NID2: variants seen among roughly 807,000 people sequenced by gnomAD.
NID2 encodes nidogen 2, also known as nidogen-2.
NID2 carries 83 observed loss-of-function variants against 145.4 expected under a neutral mutation model. The observed-to-expected ratio is 0.57, with a 90% CI of 0.48 to 0.69. NID2 has a LOEUF of 0.69. Ranked by LOEUF, NID2 falls within the 30% of genes least tolerant of loss-of-function variation. NID2 has a pLI of 0.00. For missense variants in NID2, 1,807 were observed against 1,765.7 expected (o/e 1.02, Z -0.42); for synonymous variants, 739 against 701.3 (o/e 1.05, Z -0.85).
At chr14:52,061,492 C>G (rs1222086833) in intron 2 of NID2, among the ~76,000 whole-genome samples, 1 of 152,132 alleles carries the variant, frequency 6.6e-6, no homozygotes, top group Non-Finnish European at 1.5e-5. Flanking sequence ...CGGTGTAGGA[C>G]TGGGAAACAG....
At chr14:52,053,518 G>T (rs1002939188) in intron 5 of NID2, 61 bp downstream of exon 5, 1 of 1,529,058 alleles carries the variant, frequency 6.5e-7, no homozygotes, top group Non-Finnish European at 8.8e-7. Context: ...AAATCACAAC[G>T]CTATGCAAAA....
intron 5 of NID2, among the ~76,000 whole-genome samples, chr14:52,047,781 C>T (rs768506564): frequency 3.3e-5 from 5 of 152,122 alleles, no homozygotes; most frequent in Non-Finnish European, 7.4e-5. Flanking sequence ...GTTCTGACAA[C>T]AGCATGAGGC....
At chr14:52,027,667 C>CACACACACAT (rs1555363350) in intron 11 of NID2, among the ~76,000 whole-genome samples, 1 of 149,838 alleles carries the variant, frequency 6.7e-6, no homozygotes, top group South Asian at 2.1e-4. Context: ...CACACACACA[C>CACACACACAT]GCAGTTTCTC....
At chr14:52,060,512 C>A (rs566059232) in intron 2 of NID2, among the ~76,000 whole-genome samples, 156 bp from the exon 3 acceptor site, 41 of 152,254 alleles carry the variant, frequency 2.7e-4, no homozygotes, top group African/African-American at 8.4e-4. Context: ...TTAAACATAA[C>A]CTTCTTTAAA....
At position 52,068,989 on chromosome 14, in the gene NID2, C is replaced by G. The variant is rs754487682; in HGVS notation, c.6G>C (p.Glu2Asp). M[E>D]GDRVAGRPVL... ...CCGGCCGCCCGGCCACCCGGTCCCCCTCCATGCTCGCTCGGCCGTGCGCTT... is the reference window on the plus strand; with the variant it reads ...CCGGCCGCCCGGCCACCCGGTCCCCGTCCATGCTCGCTCGGCCGTGCGCTT... The change falls in exon 1 of 22, where the codon GAG becomes GAC. Residue 2 changes from glutamate (E) to aspartate (D), a missense_variant. By Grantham distance (45) the Glu-to-Asp change is conservative (BLOSUM62 2). Transcript: ENST00000216286. The G allele has an allele frequency of 1.2e-6, 2 of 1,609,738 alleles. No individual in the cohort carries two copies. Among genetic ancestry groups the G allele is most frequent in the Non-Finnish European group, 1.7e-6 (2 of 1,178,292 alleles).
chr14:52,050,839 C>T (rs1217827584), intron 5 of NID2, among the ~76,000 whole-genome samples: 1 of 152,186 alleles, frequency 6.6e-6, no homozygotes, highest in East Asian at 1.9e-4. Context: ...GAACTCCCCA[C>T]AGGGCAATTC....
At position 52,038,746 on chromosome 14, in the gene NID2, C is replaced by T; in HGVS notation, c.2257+1G>A. Reference sequence around the variant, plus strand: ...CCCAACAACAAAAAAGGAAACCTTACCTTTGACCGGGCCAATTTGATTGGT... The same window carrying T: ...CCCAACAACAAAAAAGGAAACCTTATCTTTGACCGGGCCAATTTGATTGGT... On this transcript the variant is annotated splice_donor_variant, in intron 9 of 21. Transcript: ENST00000216286. LOFTEE classifies it high-confidence loss of function. 6.4e-7 allele frequency: 1 copy of T among 1,560,144 alleles called. No individual in the cohort carries two copies. Among genetic ancestry groups the T allele is most frequent in the Admixed American group, 2.0e-5 (1 of 50,752 alleles).
chr14:52,020,186 G>A lies in NID2; in HGVS notation c.2675-8C>T. ...CTGAGCATTCATCTACATCTGCAGA[G>A]GTCAGAAACAGAAGAAAGAAGCAAA... On this transcript the variant is annotated splice_polypyrimidine_tract_variant and splice_region_variant and intron_variant, in intron 12 of 21. Transcript: ENST00000216286. 1 of 1,613,242 alleles carries A rather than the reference G, an allele frequency of 6.2e-7. No homozygotes were observed. The highest frequency in any genetic ancestry group is 1.1e-5 in the South Asian group (1 of 91,044).
chr14:52,037,700 T>G (rs1456060616), intron 9 of NID2, among the ~76,000 whole-genome samples: 4 of 152,230 alleles, frequency 2.6e-5, no homozygotes, highest in Non-Finnish European at 1.5e-5. Flanking sequence ...GCTGAGATTC[T>G]GATAGGGATT....
At position 52,019,388 on chromosome 14, in the gene NID2, G is replaced by A. The variant is rs566678238; in HGVS notation, c.2795-94C>T. ...AGCCCACAGCGTGGCATGGAAAAGC[G>A]CTGGGATTTTGGAGCCCGAGATTCT... On this transcript the variant is annotated intron_variant, in intron 13 of 21. Transcript: ENST00000216286. The A allele has an allele frequency of 1.1e-4, 115 of 1,020,586 alleles. No individual in the cohort carries two copies. In the East Asian group the frequency reaches 2.7e-3, roughly 24 times the overall value. The allele number at this position is 1,020,586 out of a possible 1,614,324, so 63.2% of individuals were successfully genotyped here.
At chr14:52,018,406 C>A (rs1219572420) in intron 14 of NID2, among the ~76,000 whole-genome samples, 1 of 152,196 alleles carries the variant, frequency 6.6e-6, no homozygotes, top group East Asian at 1.9e-4. Context: ...CTGTTGGAAT[C>A]GACTGTGAGC....
chr14:52,030,946 A>C lies in NID2; in HGVS notation c.2258-1256T>G, dbSNP rs188795083. On this transcript the variant is annotated intron_variant, in intron 9 of 21. Coordinates refer to ENST00000216286, the MANE Select transcript of NID2 (RefSeq NM_007361.4). ...AACAGATAGGAGGATGCCTGATTACATCCTTCTAACTACATGGTGAGGAAA... is the reference window on the plus strand; with the variant it reads ...AACAGATAGGAGGATGCCTGATTACCTCCTTCTAACTACATGGTGAGGAAA... 5.9e-5 allele frequency among the ~76,000 whole-genome samples: 9 copies of C among 152,386 alleles called. No homozygotes were observed. The East Asian group carries it at 1.7e-3, about 29-fold the overall frequency.
chr14:52,016,319 G>C (rs1446880365), intron 14 of NID2, among the ~76,000 whole-genome samples: 1 of 152,184 alleles, frequency 6.6e-6, no homozygotes, highest in African/African-American at 2.4e-5. Flanking sequence ...TAAAGCACAT[G>C]GTCTGCAGAA....
At chr14:52,029,885 G>T (rs959750470) in intron 9 of NID2, among the ~76,000 whole-genome samples, 195 bp from the exon 10 acceptor site, 3 of 152,156 alleles carry the variant, frequency 2.0e-5, no homozygotes, top group South Asian at 2.1e-4. Flanking sequence ...GCTTCCTATT[G>T]CCTACCCTAT....
chr14:52,046,809 T>C lies in NID2; in HGVS notation c.1430-3878A>G, dbSNP rs1892512592. Among the ~76,000 whole-genome samples, 3 of 152,228 alleles carry C rather than the reference T, an allele frequency of 2.0e-5. No homozygotes were observed. In the East Asian group the frequency reaches 5.8e-4, roughly 29 times the overall value. ...TAAACAGTTTTGTGGAATATTGTAT[T>C]TTTAGGATGGTACTTACTGAGCCAA... On this transcript the variant is annotated intron_variant, in intron 5 of 21. Coordinates refer to ENST00000216286, the MANE Select transcript of NID2 (RefSeq NM_007361.4).
At chr14:52,039,062 T>C in intron 8 of NID2, 85 bp from the exon 9 acceptor site, 1 of 939,000 alleles carries the variant, frequency 1.1e-6, no homozygotes, top group South Asian at 1.8e-5. Context: ...GTTTTTTTCA[T>C]CTAATTCTTG....
intron 11 of NID2, among the ~76,000 whole-genome samples, chr14:52,028,370 G>A (rs780454478): frequency 4.0e-5 from 6 of 151,732 alleles, no homozygotes; most frequent in South Asian, 2.1e-4. Flanking sequence ...TGCCTCCTGC[G>A]CTCAAGCAAT....
intron 20 of NID2, 48 bp from the exon 21 acceptor site, chr14:52,005,897 T>C: frequency 7.2e-7 from 1 of 1,385,422 alleles, no homozygotes; most frequent in Non-Finnish European, 1.0e-6. Context: ...ATTTACTAGA[T>C]AAAGAAGTCA....
chr14:52,042,004 G>T, intron 7 of NID2, 101 bp downstream of exon 7: 1 of 1,414,924 alleles, frequency 7.1e-7, no homozygotes. Flanking sequence ...CATTAAACAA[G>T]TGATTCCTCT....
Sources: allele counts gnomAD v4.1 joint callset (sites outside exome capture counted in the v4.1 genomes callset), GRCh38; gene constraint gnomAD v4.1.1; transcripts MANE v1.5; gene names NCBI Gene and HGNC (gene_info 2026-07-23, HGNC 2026-07-21).